Variants in FBXW7 observed in about 807,000 individuals in gnomAD.
The protein encoded by FBXW7 is F-box and WD repeat domain containing 7, also known as F-box/WD repeat-containing protein 7.
A neutral mutation model predicts 86.3 loss-of-function variants in FBXW7; 11 were observed. That is an observed-to-expected ratio of 0.13 (90% CI 0.08 to 0.21). The LOEUF is 0.21. FBXW7 is among the 10% of genes least tolerant of loss of function. The pLI is 1.00. For synonymous variants in FBXW7, 313 were observed against 297.9 expected (o/e 1.05, Z -0.52); for missense variants, 488 against 847.4 (o/e 0.58, Z 5.27).
rs2126876957 is a variant in FBXW7, at chr4:152,411,365, T to A, written c.439A>T (p.Ser147Cys). ...TGAACGGGCAGGTCCACAATACTAC[T>A]GGAGTTCGTGACACTGTTAGTATGT... ...HTHTNSVTNS[S>C]SIVDLPVHQL... is the part of the protein sequence containing the mutation. Residue 147 changes from serine to cysteine, a missense_variant, in exon 4 of 14, where the codon AGT becomes TGT. Around this residue, in one of 4 missense-constraint regions of FBXW7, gnomAD observed 230 missense variants for 240.0 expected, o/e 0.96. Transcript: ENST00000281708. 1 of 1,613,622 alleles carries A rather than the reference T, an allele frequency of 6.2e-7. No homozygotes were observed. The highest frequency in any genetic ancestry group is 2.2e-5 in the East Asian group (1 of 44,830).
At chr4:152,392,626 C>T (rs573052052) in intron 4 of FBXW7, among the ~76,000 whole-genome samples, 2 of 152,108 alleles carry the variant, frequency 1.3e-5, no homozygotes, top group South Asian at 2.1e-4. Flanking sequence ...ATAAAATTCT[C>T]GTTTGTTATA....
chr4:152,511,589 T>G (rs1390087591), intron 2 of FBXW7, among the ~76,000 whole-genome samples: 1 of 152,156 alleles, frequency 6.6e-6, no homozygotes, highest in Non-Finnish European at 1.5e-5. Context: ...CACTGTAGTA[T>G]TATCTGTAAT....
chr4:152,425,811 C>T (rs900984334), intron 2 of FBXW7, among the ~76,000 whole-genome samples: 6 of 152,112 alleles, frequency 3.9e-5, no homozygotes, highest in Admixed American at 1.3e-4. Context: ...AGCCAACAGG[C>T]CACATATGAT....
intron 2 of FBXW7, among the ~76,000 whole-genome samples, chr4:152,438,809 G>A (rs1740616437): frequency 6.6e-6 from 1 of 152,274 alleles, no homozygotes; most frequent in Admixed American, 6.5e-5. Context: ...TTATTTAACA[G>A]CACAGAAAAA....
chr4:152,416,276 G>A lies in FBXW7; in HGVS notation c.-119-3747C>T, dbSNP rs779439316. Among the ~76,000 whole-genome samples, 4 of 152,080 alleles carry A rather than the reference G, an allele frequency of 2.6e-5. No homozygotes were observed. The East Asian group carries it at 5.8e-4, about 22-fold the overall frequency. On this transcript the variant is annotated intron_variant, in intron 2 of 13. Transcript: ENST00000281708. ...CTTCGAGCCAGGTCACAAACACAAC[G>A]TCAATTACTTTAAATACATTTTTTA...
chr4:152,364,740 C>A (rs1043851355), intron 4 of FBXW7, among the ~76,000 whole-genome samples: 2 of 152,112 alleles, frequency 1.3e-5, no homozygotes, highest in African/African-American at 2.4e-5. Flanking sequence ...ATTAATTGTC[C>A]ATTTGATCCA....
chr4:152,348,154 T>C (rs1313534824), intron 5 of FBXW7, among the ~76,000 whole-genome samples: 1 of 152,094 alleles, frequency 6.6e-6, no homozygotes, highest in Non-Finnish European at 1.5e-5. Context: ...GCTGTTTTTT[T>C]CTATCCAGCA....
At chr4:152,339,355 AGTT>A (rs1248118505) in intron 6 of FBXW7, among the ~76,000 whole-genome samples, 1 of 152,224 alleles carries the variant, frequency 6.6e-6, no homozygotes, top group Non-Finnish European at 1.5e-5. Context: ...AATTAAAAGC[AGTT>A]AATTTGAAGT....
At chr4:152,473,810 A>G (rs1411421053) in intron 2 of FBXW7, among the ~76,000 whole-genome samples, 2 of 152,188 alleles carry the variant, frequency 1.3e-5, no homozygotes, top group Non-Finnish European at 2.9e-5. Context: ...CACCAAGAAT[A>G]ACTTGAGACT....
At chr4:152,333,940 G>A (rs1009918265) in intron 7 of FBXW7, among the ~76,000 whole-genome samples, 12 of 152,092 alleles carry the variant, frequency 7.9e-5, no homozygotes, top group African/African-American at 2.9e-4. Context: ...TATAATCCCA[G>A]CTACTCAGGA....
At chr4:152,519,693 A>T (rs1748830672) in intron 2 of FBXW7, among the ~76,000 whole-genome samples, 1 of 152,232 alleles carries the variant, frequency 6.6e-6, no homozygotes, top group Non-Finnish European at 1.5e-5. Flanking sequence ...AATGACATAA[A>T]ACTGGGAATT....
At chr4:152,524,379 A>C (rs1749304769) in intron 2 of FBXW7, among the ~76,000 whole-genome samples, 1 of 152,100 alleles carries the variant, frequency 6.6e-6, no homozygotes, top group Non-Finnish European at 1.5e-5. Flanking sequence ...AGAACAAAAA[A>C]ACTCCTCTGT....
chr4:152,524,522 T>C (rs1402735064), intron 2 of FBXW7, among the ~76,000 whole-genome samples: 5 of 152,174 alleles, frequency 3.3e-5, no homozygotes, highest in African/African-American at 1.2e-4. Flanking sequence ...TGAAAAGCTA[T>C]GAATAAAAAC....
chr4:152,376,425 G>A (rs189024656), intron 4 of FBXW7, among the ~76,000 whole-genome samples: 5 of 152,182 alleles, frequency 3.3e-5, no homozygotes, highest in Admixed American at 3.3e-4. Context: ...CAATACGACT[G>A]TTTAATAAGC....
intron 13 of FBXW7, chr4:152,323,967 G>A (rs1728782031): frequency 1.9e-6 from 1 of 522,214 alleles, no homozygotes; most frequent in African/African-American, 1.9e-5. Context: ...CATGCAGGAA[G>A]TGATTAAACA....
intron 2 of FBXW7, among the ~76,000 whole-genome samples, chr4:152,534,330 C>G (rs533955545): frequency 6.6e-6 from 1 of 152,058 alleles, no homozygotes; most frequent in African/African-American, 2.4e-5. Flanking sequence ...AAATGCTCTT[C>G]CCCAAGTAAG....
intron 2 of FBXW7, among the ~76,000 whole-genome samples, chr4:152,496,428 A>G (rs1215082644): frequency 6.6e-6 from 1 of 152,234 alleles, no homozygotes; most frequent in African/African-American, 2.4e-5. Context: ...GCAGTGGCTC[A>G]CGCCTATAAT....
chr4:152,329,753 T>G lies in FBXW7; in HGVS notation c.1155A>C (p.Thr385=). ...TTCGGTTACCACAAAACTGTAAGCATGTGATCACATGATCATCATGTCCTT... is the reference window on the plus strand; with the variant it reads ...TTCGGTTACCACAAAACTGTAAGCAGGTGATCACATGATCATCATGTCCTT... ...VLKGHDDHVI[T]CLQFCGNRIV... Residue 385 remains threonine, a synonymous_variant, in exon 10 of 14, where the codon ACA becomes ACC. Coordinates refer to ENST00000281708, the MANE Select transcript of FBXW7 (RefSeq NM_001349798.2). 7 of 1,588,438 alleles carry G rather than the reference T, an allele frequency of 4.4e-6. No individual in the cohort carries two copies. Among genetic ancestry groups the G allele is most frequent in the Non-Finnish European group, 6.0e-6 (7 of 1,169,210 alleles).
intron 6 of FBXW7, among the ~76,000 whole-genome samples, chr4:152,338,835 CTGATT>C (rs1730423340): frequency 6.6e-6 from 1 of 152,088 alleles, no homozygotes. Flanking sequence ...CAAATCTATA[CTGATT>C]TAAGTACCAT....
Sources: allele counts gnomAD v4.1 joint callset (sites outside exome capture counted in the v4.1 genomes callset), GRCh38; gene constraint gnomAD v4.1.1; regional missense constraint gnomAD v4.1.1; transcripts MANE v1.5; gene names NCBI Gene and HGNC (gene_info 2026-07-23, HGNC 2026-07-21).